The following FBXO34 variants were observed in gnomAD, a reference collection of about 807,000 sequenced individuals.
FBXO34 encodes the protein F-box protein 34.
A neutral mutation model predicts 24.5 loss-of-function variants in FBXO34; 12 were observed. The observed-to-expected ratio is 0.49, with a 90% CI of 0.31 to 0.79. The LOEUF (loss-of-function observed/expected upper bound fraction) is 0.79. Ranked by LOEUF, FBXO34 falls within the 30% of genes least tolerant of loss-of-function variation. The probability of loss-of-function intolerance (pLI) is 0.04; values close to 1 mark genes in which losing one functional copy is unlikely to be tolerated. For synonymous variants in FBXO34, 320 were observed against 311.9 expected, an observed-to-expected ratio of 1.03 and a Z score of -0.27; for missense variants, 823 against 857.7, an observed-to-expected ratio of 0.96 and a Z score of 0.51.
intron 1 of FBXO34, among the ~76,000 whole-genome samples, chr14:55,336,868 GCA>G (rs3051328): frequency 0.013 from 1,892 of 143,618 alleles, 19 homozygotes; most frequent in Middle Eastern, 0.029. Flanking sequence ...ATACATGCAC[GCA>G]CACACACACA....
chr14:55,329,442 A>C (rs1302663031), intron 1 of FBXO34, among the ~76,000 whole-genome samples: 3 of 152,186 alleles, frequency 2.0e-5, no homozygotes, highest in Non-Finnish European at 2.9e-5. Context: ...GAAAGTTAAA[A>C]ATGCATTCAA....
chr14:55,280,911 A>G (rs1258092102), intron 1 of FBXO34, among the ~76,000 whole-genome samples: 2 of 152,214 alleles, frequency 1.3e-5, no homozygotes, highest in African/African-American at 2.4e-5. Context: ...AGGGATGACT[A>G]TAATATGAAC....
At chr14:55,287,752 A>G (rs1023010154) in intron 1 of FBXO34, among the ~76,000 whole-genome samples, 2 of 152,252 alleles carry the variant, frequency 1.3e-5, no homozygotes, top group African/African-American at 4.8e-5. Context: ...TATTTCCGCC[A>G]GAGTCACTTG....
chr14:55,287,636 G>T (rs1424084529), intron 1 of FBXO34, among the ~76,000 whole-genome samples: 1 of 152,124 alleles, frequency 6.6e-6, no homozygotes, highest in Non-Finnish European at 1.5e-5. Context: ...CTTTTTGTTT[G>T]TTTGTTTGTT....
the FBXO34 span, among the ~76,000 whole-genome samples, chr14:55,406,102 TG>T: frequency 6.6e-6 from 1 of 152,244 alleles, no homozygotes; most frequent in Non-Finnish European, 1.5e-5. Flanking sequence ...TAAAGACACA[TG>T]GTTCCCTTCT....
At chr14:55,350,004 AGT>A (rs1884291923) in intron 1 of FBXO34, among the ~76,000 whole-genome samples, 1 of 152,106 alleles carries the variant, frequency 6.6e-6, no homozygotes, top group South Asian at 2.1e-4. Flanking sequence ...ATCTTGGAGG[AGT>A]TCTTTTTATA....
chr14:55,407,288 G>A, the FBXO34 span, among the ~76,000 whole-genome samples: 3 of 152,122 alleles, frequency 2.0e-5, no homozygotes, highest in Non-Finnish European at 4.4e-5. Context: ...GTGCCACCAC[G>A]CCCAGCTAAT....
chr14:55,394,944 A>G, the FBXO34 span: 1 of 391,690 alleles, frequency 2.6e-6, no homozygotes, highest in Non-Finnish European at 5.0e-6. Context: ...GAATGATTTC[A>G]CCTCCTAAAA....
downstream of FBXO34, chr14:55,369,529 C>T (rs1884762480): frequency 1.6e-6 from 2 of 1,221,832 alleles, no homozygotes; most frequent in East Asian, 2.4e-5. Flanking sequence ...GTTCCAGACA[C>T]TATCTTAACT....
At chr14:55,298,611 C>T (rs1011487598) in intron 1 of FBXO34, 9 of 1,142,370 alleles carry the variant, frequency 7.9e-6, no homozygotes, top group African/African-American at 1.5e-5. Context: ...GGAGCCCAGC[C>T]GGAGCGGGCG....
At chr14:55,372,778 A>G (rs947994915), downstream of FBXO34, among the ~76,000 whole-genome samples, 6 of 151,476 alleles carry the variant, frequency 4.0e-5, no homozygotes, top group Non-Finnish European at 5.9e-5. Context: ...GCCTTCTCCA[A>G]TCCTGGGGTC....
the FBXO34 span, chr14:55,385,778 C>T: frequency 2.9e-3 from 3,478 of 1,189,026 alleles, 96 homozygotes; most frequent in East Asian, 0.062. Context: ...GAATAAGACC[C>T]AATAAATAAG....
the FBXO34 span, chr14:55,396,100 C>T: frequency 4.2e-5 from 28 of 663,026 alleles, no homozygotes; most frequent in East Asian, 1.9e-4. Context: ...AATATCAAAA[C>T]GGGACTTAGC....
intron 1 of FBXO34, among the ~76,000 whole-genome samples, chr14:55,317,113 C>T (rs1190110095): frequency 1.3e-5 from 2 of 152,088 alleles, no homozygotes; most frequent in Admixed American, 6.6e-5. Flanking sequence ...CCAGTTTCCC[C>T]TCCCTGGAAG....
the FBXO34 span, chr14:55,395,278 T>A: frequency 6.1e-6 from 2 of 326,512 alleles, no homozygotes; most frequent in Middle Eastern, 9.8e-4. Flanking sequence ...CGAGGCATAG[T>A]GCATCTAGAG....
chr14:55,291,692 C>T (rs1881949980), intron 1 of FBXO34, among the ~76,000 whole-genome samples: 1 of 152,042 alleles, frequency 6.6e-6, no homozygotes, highest in African/African-American at 2.4e-5. Context: ...ACAAATTAGA[C>T]AGGTGTAGTG....
Position 55,350,766 on chromosome 14 carries a change from C to T in FBXO34, c.376C>T (p.His126Tyr). ...TKEKIAFFAS[H>Y]QCSNRIGSMK... The stretch of plus-strand genomic sequence containing the variant: ...GGAAAAAATTGCATTCTTTGCATCC[C>T]ACCAGTGTAGTAACAGGATAGGATC... Residue 126 changes from histidine (H) to tyrosine (Y), a missense_variant, in exon 2 of 2, where the codon CAC becomes TAC. Transcript: ENST00000313833. 1 of 1,608,996 alleles carries T rather than the reference C, an allele frequency of 6.2e-7. No individual in the cohort carries two copies. The highest frequency in any genetic ancestry group is 8.5e-7 in the Non-Finnish European group (1 of 1,178,324).
Position 55,271,533 on chromosome 14 carries a change from C to T in FBXO34, c.-15C>T, listed in dbSNP as rs1306408538. 6.6e-6 allele frequency: 1 copy of T among 150,606 alleles called. No individual in the cohort carries two copies. Among genetic ancestry groups the T allele is most frequent in the Non-Finnish European group, 1.5e-5 (1 of 67,594 alleles). 9.3% of individuals were successfully genotyped at this position (150,606 alleles called of 1,614,324 possible). On this transcript the variant is annotated 5_prime_UTR_variant, in exon 1 of 2. Transcript: ENST00000313833. ...GGCCAGGCCGCGGCCGGGGCAGGAGCGCAGGTGGGTCCGGGCCGAGGTGGG... is the reference window on the plus strand; with the variant it reads ...GGCCAGGCCGCGGCCGGGGCAGGAGTGCAGGTGGGTCCGGGCCGAGGTGGG...
the FBXO34 span, among the ~76,000 whole-genome samples, chr14:55,396,614 T>C: frequency 5.3e-5 from 8 of 152,080 alleles, no homozygotes; most frequent in African/African-American, 1.9e-4. Context: ...TTTGGGGAGA[T>C]GCCACAAAAG....
Sources: gnomAD v4.1 joint callset for allele counts (sites outside exome capture counted in the v4.1 genomes callset) on GRCh38, gnomAD v4.1.1 for gene constraint, MANE v1.5 for transcripts, NCBI Gene and HGNC (gene_info 2026-07-23, HGNC 2026-07-21) for gene names.